DCHS2: variants seen among roughly 807,000 people sequenced by gnomAD.
The protein encoded by DCHS2 is dachsous cadherin-related 2.
DCHS2 carries 142 observed loss-of-function variants against 182.4 expected under a neutral mutation model. The observed-to-expected ratio is 0.78, with a 90% confidence interval of 0.68 to 0.89. The LOEUF (loss-of-function observed/expected upper bound fraction) is 0.89, where lower values mean the gene tolerates loss of function less well. DCHS2 is among the 40% of genes least tolerant of loss of function. The pLI, the probability that DCHS2 is intolerant of heterozygous loss-of-function variation, is 0.00. For synonymous variants in DCHS2, 1,740 were observed against 1,663.3 expected, an observed-to-expected ratio of 1.05 and a Z score of -1.12; for missense variants, 4,319 against 4,198.6, an observed-to-expected ratio of 1.03 and a Z score of -0.79.
chr4:154,350,982 G>A (rs1168213935), intron 3 of DCHS2, among the ~76,000 whole-genome samples: 1 of 152,144 alleles, frequency 6.6e-6, no homozygotes, highest in African/African-American at 2.4e-5. Context: ...TCAGGAAGAG[G>A]GACACCCATT....
intron 15 of DCHS2, among the ~76,000 whole-genome samples, chr4:154,256,550 A>G (rs956167749): frequency 3.9e-5 from 6 of 152,214 alleles, no homozygotes; most frequent in Non-Finnish European, 8.8e-5. Context: ...TGTTGAGGAT[A>G]AAACAGAAGT....
chr4:154,253,186 A>T (rs1397953916), intron 16 of DCHS2, among the ~76,000 whole-genome samples: 17 of 142,328 alleles, frequency 1.2e-4, no homozygotes, highest in South Asian at 4.3e-4. Flanking sequence ...AGAGAGAGAG[A>T]GAGAGAGTGT....
At chr4:154,479,338 T>A (rs1560782417) in intron 1 of DCHS2, among the ~76,000 whole-genome samples, 1 of 152,078 alleles carries the variant, frequency 6.6e-6, no homozygotes, top group East Asian at 1.9e-4. Context: ...AGGTCTAACA[T>A]ATGTATATTT....
intron 19 of DCHS2, 85 bp downstream of exon 19, chr4:154,239,085 T>C: frequency 6.6e-7 from 1 of 1,510,494 alleles, no homozygotes; most frequent in Non-Finnish European, 8.8e-7. Context: ...GGGGAACTTT[T>C]ATAGAGGCAT....
intron 1 of DCHS2, among the ~76,000 whole-genome samples, chr4:154,414,483 CTTTCTTT>C (rs1560744053): frequency 8.4e-6 from 1 of 119,454 alleles, no homozygotes; most frequent in Admixed American, 8.9e-5. Flanking sequence ...CTCCATACAG[CTTTCTTT>C]TTTTTTTTTT....
intron 1 of DCHS2, among the ~76,000 whole-genome samples, chr4:154,435,183 T>C (rs750234243): frequency 2.6e-5 from 4 of 152,162 alleles, no homozygotes; most frequent in African/African-American, 4.8e-5. Context: ...CTTCTGTAAA[T>C]CTAAAACAAT....
intron 3 of DCHS2, among the ~76,000 whole-genome samples, chr4:154,345,094 A>G (rs1561057726): frequency 6.6e-6 from 1 of 152,138 alleles, no homozygotes; most frequent in Non-Finnish European, 1.5e-5. Context: ...ACAGATCTGA[A>G]AGTCGCCTGT....
chr4:154,433,329 T>G (rs1733635502), intron 1 of DCHS2, among the ~76,000 whole-genome samples: 1 of 150,376 alleles, frequency 6.6e-6, no homozygotes, highest in Non-Finnish European at 1.5e-5. Flanking sequence ...CCCTGCCAAG[T>G]ACATTCATTT....
chr4:154,456,484 A>G (rs1010487878), intron 1 of DCHS2, among the ~76,000 whole-genome samples: 5 of 152,198 alleles, frequency 3.3e-5, no homozygotes, highest in Non-Finnish European at 4.4e-5. Context: ...CAGATATGAC[A>G]CGCTGCTGTG....
At chr4:154,455,587 T>C (rs17301637) in intron 1 of DCHS2, among the ~76,000 whole-genome samples, 27,636 of 152,262 alleles carry the variant, frequency 0.18, 3,100 homozygotes, top group Non-Finnish European at 0.27. Context: ...GGTGGAATTT[T>C]AGTGATTTAG....
rs67157369 is a variant in DCHS2, at chr4:154,247,635, C to CAAAAAAAAAAAAAA, written c.6942-4877_6942-4864dup. The stretch of plus-strand genomic sequence containing the variant: ...CTGGGTGAAGAGCAAGACTCCGTCT[C>CAAAAAAAAAAAAAA]AAAAAAAAAAAAAAAAAAAAAAAAA... On this transcript the variant is annotated intron_variant, in intron 16 of 19. Transcript: ENST00000357232. Among the ~76,000 whole-genome samples the CAAAAAAAAAAAAAA allele has an allele frequency of 2.5e-4, 25 of 100,114 alleles. 1 individual carries two copies. The highest frequency in any genetic ancestry group is 1.0e-3 in the African/African-American group (25 of 24,720). 65.7% of individuals were successfully genotyped at this position (100,114 alleles called of 152,430 possible).
chr4:154,270,380 T>C (rs1733532224), intron 13 of DCHS2, among the ~76,000 whole-genome samples: 1 of 151,676 alleles, frequency 6.6e-6, no homozygotes, highest in Non-Finnish European at 1.5e-5. Context: ...TTTAGAGAGG[T>C]CTGGGGACAG....
rs770307976 is a variant in DCHS2, at chr4:154,298,527, G to C, written c.5787C>G (p.His1929Gln). Residue 1929 changes from histidine to glutamine, a missense_variant, in exon 13 of 20, where the codon CAC (histidine) becomes CAG (glutamine). Physicochemically the swap from His to Gln is conservative, Grantham distance 24. Coordinates refer to ENST00000357232, the MANE Select transcript of DCHS2 (RefSeq NM_001358235.2). ...AATAAAGTGTGGGAAAAGAAGGACTGTGGTCATTGGCATCCAAAACTCTAA... is the reference window on the plus strand; with the variant it reads ...AATAAAGTGTGGGAAAAGAAGGACTCTGGTCATTGGCATCCAAAACTCTAA... ...LQVRVLDANDHSPSFPTLYYQ... is the reference protein window; with the variant it reads ...LQVRVLDANDQSPSFPTLYYQ... 2 of 1,614,158 alleles carry C rather than the reference G, an allele frequency of 1.2e-6. No individual in the cohort carries two copies. Among genetic ancestry groups the C allele is most frequent in the Non-Finnish European group, 1.7e-6 (2 of 1,179,990 alleles).
chr4:154,425,370 T>C (rs937374546), intron 1 of DCHS2, among the ~76,000 whole-genome samples: 2 of 152,196 alleles, frequency 1.3e-5, no homozygotes, highest in Non-Finnish European at 2.9e-5. Context: ...TAAGTAAAAT[T>C]TCTGAGCTGA....
chr4:154,264,584 T>C (rs1327057135), intron 14 of DCHS2, among the ~76,000 whole-genome samples: 1 of 152,202 alleles, frequency 6.6e-6, no homozygotes, highest in Non-Finnish European at 1.5e-5. Context: ...GATCAACAGC[T>C]AGCTTCTTAA....
At chr4:154,436,489 C>A (rs1271889382) in intron 1 of DCHS2, among the ~76,000 whole-genome samples, 1 of 152,064 alleles carries the variant, frequency 6.6e-6, no homozygotes, top group Non-Finnish European at 1.5e-5. Flanking sequence ...TTAAAAAATA[C>A]CTCGTGATAC....
At chr4:154,253,255 A>ACTT (rs1409611571) in intron 16 of DCHS2, among the ~76,000 whole-genome samples, 48 of 151,878 alleles carry the variant, frequency 3.2e-4, no homozygotes, top group African/African-American at 1.1e-3. Context: ...AGGGGGTTCA[A>ACTT]CTTTTCTCAG....
In DCHS2 at chr4:154,320,691, C is replaced by T. The variant is rs1020959585; in HGVS notation, c.4708G>A (p.Val1570Ile). Residue 1570 changes from valine to isoleucine, a missense_variant, in exon 9 of 20, where the codon GTC becomes ATC. Coordinates refer to ENST00000357232, the MANE Select transcript of DCHS2 (RefSeq NM_001358235.2). ...TCTCTGTCAAGACGGGACACAGTGACTAGTGTGCCAAATGAGGGGTGGATG... is the reference window on the plus strand; with the variant it reads ...TCTCTGTCAAGACGGGACACAGTGATTAGTGTGCCAAATGAGGGGTGGATG... ...FLIHPSFGTL[V>I]TVSRLDRESI... 1 of 1,614,058 alleles carries T rather than the reference C, an allele frequency of 6.2e-7. No homozygotes were observed. Among genetic ancestry groups the T allele is most frequent in the Non-Finnish European group, 8.5e-7 (1 of 1,180,028 alleles).
At chr4:154,292,190 C>T (rs1275433751) in intron 13 of DCHS2, among the ~76,000 whole-genome samples, 1 of 152,010 alleles carries the variant, frequency 6.6e-6, no homozygotes, top group African/African-American at 2.4e-5. Flanking sequence ...TGCTATAAAT[C>T]ACAAATACCC....
Sources: gnomAD v4.1 joint callset for allele counts (sites outside exome capture counted in the v4.1 genomes callset) on GRCh38, gnomAD v4.1.1 for gene constraint, MANE v1.5 for transcripts, NCBI Gene and HGNC (gene_info 2026-07-23, HGNC 2026-07-21) for gene names.